The following CLBA1 variants were observed in gnomAD, a reference collection of about 807,000 sequenced individuals.
CLBA1 encodes uncharacterized protein CLBA1.
CLBA1 carries 30 observed loss-of-function variants against 28.8 expected under a neutral mutation model. That is an observed-to-expected ratio of 1.04 (90% CI 0.78 to 1.41). The LOEUF (loss-of-function observed/expected upper bound fraction) is 1.41, where lower values mean the gene tolerates loss of function less well. Among genes scored for constraint, CLBA1 ranks in the 40% most tolerant of loss-of-function variants. The pLI is 0.00. For synonymous variants in CLBA1, 160 were observed against 152.8 expected (o/e 1.05, Z -0.35); for missense variants, 451 against 412.3 (o/e 1.09, Z -0.81).
At chr14:104,993,669 A>C (rs1480876779) in intron 4 of CLBA1, 1 of 985,278 alleles carries the variant, frequency 1.0e-6, no homozygotes, top group African/African-American at 1.7e-5. Flanking sequence ...TCTGGGCTGG[A>C]GTCTGGAGCC....
downstream of CLBA1, among the ~76,000 whole-genome samples, chr14:104,998,646 G>C (rs548062228): frequency 6.6e-6 from 1 of 152,346 alleles, no homozygotes; most frequent in East Asian, 1.9e-4. Flanking sequence ...TCTCTGGGTT[G>C]GCGGTGAGGT....
At chr14:104,994,170 G>A (rs1900110271) in intron 4 of CLBA1, 1 of 985,444 alleles carries the variant, frequency 1.0e-6, no homozygotes, top group Non-Finnish European at 1.2e-6. Flanking sequence ...GTAAAGAAAT[G>A]TTCGTGGCTG....
chr14:104,989,957 C>A (rs1328928555), intron 2 of CLBA1: 4 of 317,226 alleles, frequency 1.3e-5, no homozygotes, highest in Non-Finnish European at 2.6e-5. Context: ...CCCAGGGTAC[C>A]CTCTACAGGG....
chr14:104,985,838 T>C lies in CLBA1; in HGVS notation c.-594T>C. On this transcript the variant is annotated 5_prime_UTR_variant, in exon 1 of 5. Coordinates refer to ENST00000547315, the MANE Select transcript of CLBA1 (RefSeq NM_174891.4). ...GGGAACGGCTGGTTGCAGGTTTCTCTCGCCCTGGTCCCGCGCGGCCCCGCC... is the reference window on the plus strand; with the variant it reads ...GGGAACGGCTGGTTGCAGGTTTCTCCCGCCCTGGTCCCGCGCGGCCCCGCC... 3.8e-6 allele frequency: 1 copy of C among 264,656 alleles called. No homozygotes were observed. Among genetic ancestry groups the C allele is most frequent in the Non-Finnish European group, 7.5e-6 (1 of 133,694 alleles). 16.4% of individuals were successfully genotyped at this position (264,656 alleles called of 1,614,324 possible). A position where few individuals can be genotyped will look rare whatever the true frequency, so the allele number is the denominator to read the frequency against.
Position 104,993,039 on chromosome 14 carries a change from A to G in CLBA1, c.791A>G (p.His264Arg). The G allele has an allele frequency of 1.2e-6, 2 of 1,614,012 alleles. No individual in the cohort carries two copies. Among genetic ancestry groups the G allele is most frequent in the Non-Finnish European group, 1.7e-6 (2 of 1,179,984 alleles). ...ACTGTCAGCAGCTTCTGTCTCCAGC[A>G]TTGCAAAGCCCTGATCCAGACCAAG... ...LLTVSSFCLQHCKALIQTKLS... is the reference protein window; with the variant it reads ...LLTVSSFCLQRCKALIQTKLS... The change falls in exon 4 of 5, where the codon CAT becomes CGT. Residue 264 changes from histidine (H) to arginine (R), a missense_variant. By Grantham distance (29) the His-to-Arg change is conservative. Transcript: ENST00000547315.
chr14:104,988,015 T>G (rs1899915326), intron 1 of CLBA1, among the ~76,000 whole-genome samples: 1 of 152,096 alleles, frequency 6.6e-6, no homozygotes, highest in Non-Finnish European at 1.5e-5. Flanking sequence ...GTAATGCTTG[T>G]TTTGAATACA....
At chr14:104,999,444 CA>C (rs151227833), downstream of CLBA1, 11,375 of 158,810 alleles carry the variant, frequency 0.072, 1,463 homozygotes, top group African/African-American at 0.26. Context: ...GAGATGCTGA[CA>C]AGATGCCCAA....
At chr14:104,998,515 G>T (rs143384181), downstream of CLBA1, among the ~76,000 whole-genome samples, 4 of 152,174 alleles carry the variant, frequency 2.6e-5, no homozygotes, top group Non-Finnish European at 5.9e-5. Context: ...CGATGTTGCC[G>T]TGCTGGTTTT....
chr14:104,987,937 G>A (rs746631236), intron 1 of CLBA1, among the ~76,000 whole-genome samples: 2 of 151,842 alleles, frequency 1.3e-5, no homozygotes, highest in African/African-American at 2.4e-5. Flanking sequence ...ATGCCCGGCC[G>A]GACTGTTTTC....
At chr14:104,994,566 G>C in intron 4 of CLBA1, 32 bp from the exon 5 acceptor site, 2 of 1,580,862 alleles carry the variant, frequency 1.3e-6, no homozygotes, top group South Asian at 2.3e-5. Flanking sequence ...TGCCCGGGGT[G>C]CGCGCGCCTG....
Position 104,985,823 on chromosome 14 carries a change from G to A in CLBA1, c.-609G>A. 3.2e-6 allele frequency: 1 copy of A among 309,352 alleles called. No homozygotes were observed. Among genetic ancestry groups the A allele is most frequent in the Non-Finnish European group, 6.7e-6 (1 of 148,802 alleles). 19.2% of individuals were successfully genotyped at this position (309,352 alleles called of 1,614,324 possible). On this transcript the variant is annotated 5_prime_UTR_variant, in exon 1 of 5. Coordinates refer to ENST00000547315, the MANE Select transcript of CLBA1 (RefSeq NM_174891.4). The stretch of plus-strand genomic sequence containing the variant: ...GCGGCGCAGGCAGGAGGGAACGGCT[G>A]GTTGCAGGTTTCTCTCGCCCTGGTC...
intron 1 of CLBA1, among the ~76,000 whole-genome samples, chr14:104,988,365 CTCTG>C (rs1899927525): frequency 6.9e-6 from 1 of 144,798 alleles, no homozygotes; most frequent in South Asian, 2.1e-4. Context: ...CGGAGTCTCT[CTCTG>C]TCACCCAGGC....
intron 3 of CLBA1, 119 bp from the exon 4 acceptor site, chr14:104,992,829 G>C: frequency 1.2e-6 from 1 of 859,082 alleles, no homozygotes; most frequent in Non-Finnish European, 2.0e-6. Flanking sequence ...CTGACCTTGA[G>C]AGGGGCCTGA....
chr14:104,995,539 G>C (rs1425164672), downstream of CLBA1: 17 of 979,464 alleles, frequency 1.7e-5, no homozygotes, highest in Non-Finnish European at 2.1e-5. Context: ...TGGTTCATCA[G>C]CTGGGGGGAC....
At position 104,994,886 on chromosome 14, in the gene CLBA1, C is replaced by T; in HGVS notation, c.*127C>T. ...AGGCCCATTCCTGGGATCTCTCCAA[C>T]AGGACCTGTCCTGTGTTCTGGGCTT... On this transcript the variant is annotated 3_prime_UTR_variant, in exon 5 of 5. Coordinates refer to ENST00000547315, the MANE Select transcript of CLBA1 (RefSeq NM_174891.4). 1 of 1,451,844 alleles carries T rather than the reference C, an allele frequency of 6.9e-7. No homozygotes were observed. Among genetic ancestry groups the T allele is most frequent in the Non-Finnish European group, 9.0e-7 (1 of 1,107,558 alleles). The allele number at this position is 1,451,844 out of a possible 1,614,324, so 89.9% of individuals were successfully genotyped here.
At chr14:104,998,064 A>G (rs1451100868), downstream of CLBA1, among the ~76,000 whole-genome samples, 1 of 152,048 alleles carries the variant, frequency 6.6e-6, no homozygotes, top group East Asian at 1.9e-4. Flanking sequence ...TGAAGGCATT[A>G]TCAGCCAGGA....
chr14:104,987,540 A>C (rs1234403524), intron 1 of CLBA1, among the ~76,000 whole-genome samples: 1 of 151,940 alleles, frequency 6.6e-6, no homozygotes, highest in Non-Finnish European at 1.5e-5. Flanking sequence ...GATCAGAAAT[A>C]AAACCAGTGA....
chr14:104,996,134 C>G (rs1900151742), downstream of CLBA1, among the ~76,000 whole-genome samples: 5 of 152,200 alleles, frequency 3.3e-5, no homozygotes, highest in South Asian at 1.0e-3. Context: ...TGTTGGTGAC[C>G]CACAGACCTC....
chr14:104,993,503 G>A, intron 4 of CLBA1: 1 of 985,468 alleles, frequency 1.0e-6, no homozygotes, highest in African/African-American at 1.7e-5. Flanking sequence ...ACCCTACACA[G>A]GGTCTGCCCA....
Sources: allele counts gnomAD v4.1 joint callset (sites outside exome capture counted in the v4.1 genomes callset), GRCh38; gene constraint gnomAD v4.1.1; transcripts MANE v1.5; gene names NCBI Gene and HGNC (gene_info 2026-07-23, HGNC 2026-07-21).